PRR16: variants seen among roughly 807,000 people sequenced by gnomAD.
PRR16 encodes protein Largen.
A neutral mutation model predicts 18.2 loss-of-function variants in PRR16; 6 were observed. The ratio of observed to expected loss-of-function variants is 0.33; its 90% CI spans 0.18 to 0.65. The LOEUF (loss-of-function observed/expected upper bound fraction) is 0.65, where lower values mean the gene tolerates loss of function less well. Among genes scored for constraint, PRR16 ranks in the 30% least tolerant of loss-of-function variants. The pLI is 0.74. For missense variants in PRR16, 412 were observed against 376.6 expected (o/e 1.09, Z -0.78); for synonymous variants, 151 against 147.8 (o/e 1.02, Z -0.16).
At chr5:120,472,058 T>G (rs1749286997) in intron 1 of PRR16, among the ~76,000 whole-genome samples, 1 of 152,154 alleles carries the variant, frequency 6.6e-6, no homozygotes. Flanking sequence ...TTTTCTCTCT[T>G]TCTACTTTGC....
chr5:120,531,349 C>G lies in PRR16; in HGVS notation c.159+66704C>G, dbSNP rs553052701. On this transcript the variant is annotated intron_variant, in intron 1 of 1. Coordinates refer to ENST00000407149, the MANE Select transcript of PRR16 (RefSeq NM_001300783.2). ...ATAGAGTTGTTTAGGGGGAGTAGCT[C>G]AGATCTATAAAAGGATCGTTCGGGG... 11 of 152,164 alleles carry G rather than the reference C, an allele frequency of 7.2e-5. No homozygotes were observed. In the South Asian group the frequency reaches 2.3e-3, roughly 32 times the overall value. 9.4% of individuals were successfully genotyped at this position (152,164 alleles called of 1,614,324 possible). A position where few individuals can be genotyped will look rare whatever the true frequency, so the allele number is the denominator to read the frequency against.
chr5:120,555,988 T>C (rs992669535), intron 1 of PRR16, among the ~76,000 whole-genome samples: 2 of 151,922 alleles, frequency 1.3e-5, no homozygotes, highest in Non-Finnish European at 2.9e-5. Flanking sequence ...CTAAGTCATA[T>C]TCTTTGATTA....
At chr5:120,586,109 G>A (rs1414608366) in intron 1 of PRR16, among the ~76,000 whole-genome samples, 1 of 151,518 alleles carries the variant, frequency 6.6e-6, no homozygotes, top group Admixed American at 6.6e-5. Context: ...GGAGGTGGAG[G>A]TTGCAGTGAG....
At chr5:120,769,527 T>C in the PRR16 span, among the ~76,000 whole-genome samples, 1 of 151,952 alleles carries the variant, frequency 6.6e-6, no homozygotes, top group Non-Finnish European at 1.5e-5. Flanking sequence ...TCCCTGTTGT[T>C]TCTATTGCAG....
the PRR16 span, among the ~76,000 whole-genome samples, chr5:120,754,462 G>GTATGTAGTATATATTATATAA: frequency 1.9e-5 from 1 of 53,982 alleles, no homozygotes; most frequent in African/African-American, 7.8e-5. Context: ...ATAATATATA[G>GTATGTAGTATATATTATATAA]TATATAGTAT....
chr5:120,780,461 A>T, the PRR16 span, among the ~76,000 whole-genome samples: 1 of 152,100 alleles, frequency 6.6e-6, no homozygotes, highest in Non-Finnish European at 1.5e-5. Flanking sequence ...TCTAGAAAAC[A>T]TTTTTCATGA....
chr5:120,486,913 C>G (rs2112819107), intron 1 of PRR16, among the ~76,000 whole-genome samples: 1 of 152,280 alleles, frequency 6.6e-6, no homozygotes, highest in Admixed American at 6.5e-5. Flanking sequence ...AATCCTTTCC[C>G]CATTTCCTGT....
chr5:120,718,904 G>A, the PRR16 span, among the ~76,000 whole-genome samples: 1 of 152,186 alleles, frequency 6.6e-6, no homozygotes, highest in Non-Finnish European at 1.5e-5. Flanking sequence ...ACCACTAATA[G>A]AAGTGTATAG....
chr5:120,521,216 G>C (rs556716790), intron 1 of PRR16, among the ~76,000 whole-genome samples: 55 of 152,158 alleles, frequency 3.6e-4, no homozygotes, highest in Middle Eastern at 3.4e-3. Context: ...TTTGGCTCGG[G>C]ACAAGATGAG....
the PRR16 span, among the ~76,000 whole-genome samples, chr5:120,738,129 A>C: frequency 6.6e-6 from 1 of 151,856 alleles, no homozygotes; most frequent in East Asian, 1.9e-4. Flanking sequence ...GAAAAAAAAG[A>C]TGAAAAGCCT....
At chr5:120,730,137 T>G in the PRR16 span, among the ~76,000 whole-genome samples, 1 of 152,190 alleles carries the variant, frequency 6.6e-6, no homozygotes, top group Non-Finnish European at 1.5e-5. Flanking sequence ...TGTACTACTT[T>G]ATGATAGATA....
the PRR16 span, among the ~76,000 whole-genome samples, chr5:120,740,763 C>T: frequency 1.1e-4 from 17 of 152,206 alleles, no homozygotes; most frequent in Non-Finnish European, 2.1e-4. Flanking sequence ...GGACAGATTA[C>T]CTTGAACATT....
intron 1 of PRR16, among the ~76,000 whole-genome samples, chr5:120,650,284 C>G (rs539007722): frequency 6.7e-6 from 1 of 149,786 alleles, no homozygotes; most frequent in East Asian, 2.0e-4. Flanking sequence ...ATAAATCATT[C>G]AAACTTCAAC....
In PRR16 at chr5:120,589,303, C is replaced by T. The variant is rs566158227; in HGVS notation, c.160-96651C>T. Among the ~76,000 whole-genome samples the T allele has an allele frequency of 1.3e-4, 20 of 152,208 alleles. 1 individual carries two copies. The East Asian group carries it at 3.5e-3, about 26-fold the overall frequency. On this transcript the variant is annotated intron_variant, in intron 1 of 1. Coordinates refer to ENST00000407149, the MANE Select transcript of PRR16 (RefSeq NM_001300783.2). ...ATTGGCTCCAACTTTCACACCTCTG[C>T]GGATGCCACTCTCTTTAAATAAAAT...
At chr5:120,683,529 T>C (rs1455526938) in intron 1 of PRR16, among the ~76,000 whole-genome samples, 4 of 151,492 alleles carry the variant, frequency 2.6e-5, no homozygotes, top group Non-Finnish European at 5.9e-5. Context: ...TGAAACTGTA[T>C]AAACAAACTA....
At chr5:120,781,670 G>C in the PRR16 span, among the ~76,000 whole-genome samples, 1 of 152,058 alleles carries the variant, frequency 6.6e-6, no homozygotes, top group Non-Finnish European at 1.5e-5. Flanking sequence ...CCATATTTTG[G>C]AGTACCATGT....
the PRR16 span, among the ~76,000 whole-genome samples, chr5:120,769,330 TTG>T: frequency 6.6e-6 from 1 of 151,830 alleles, no homozygotes; most frequent in South Asian, 2.1e-4. Context: ...CAAAGTTTTC[TTG>T]TGTCTCCCCC....
intron 1 of PRR16, among the ~76,000 whole-genome samples, chr5:120,664,944 T>C (rs1355186201): frequency 6.6e-6 from 1 of 152,062 alleles, no homozygotes; most frequent in Non-Finnish European, 1.5e-5. Flanking sequence ...TATAGCAGTG[T>C]GATTTATAGT....
rs560187331 is a variant in PRR16 at position 120,665,322 on chromosome 5, A to C, written c.160-20632A>C. ...TGGGGTTGTTTGTTTTCTTCTTGTA[A>C]ATTTGTTTGAGTTCCTTGTAGATTC... On this transcript the variant is annotated intron_variant, in intron 1 of 1. Coordinates refer to ENST00000407149, the MANE Select transcript of PRR16 (RefSeq NM_001300783.2). Among the ~76,000 whole-genome samples the C allele has an allele frequency of 2.0e-5, 3 of 151,514 alleles. No individual in the cohort carries two copies. The South Asian group carries it at 6.3e-4, about 32-fold the overall frequency.
Sources: allele counts gnomAD v4.1 joint callset (sites outside exome capture counted in the v4.1 genomes callset), GRCh38; gene constraint gnomAD v4.1.1; transcripts MANE v1.5; gene names NCBI Gene and HGNC (gene_info 2026-07-23, HGNC 2026-07-21).